The following ALK variants were observed in gnomAD, a reference collection of about 807,000 sequenced individuals.
The protein encoded by ALK is ALK tyrosine kinase receptor.
A neutral mutation model predicts 163.1 loss-of-function variants in ALK; 74 were observed. The ratio of observed to expected loss-of-function variants is 0.45; its 90% CI spans 0.38 to 0.55. The LOEUF is 0.55. ALK is among the 20% of genes least tolerant of loss of function. ALK has a pLI of 0.00. For synonymous variants in ALK, 960 were observed against 843.2 expected (o/e 1.14, Z -2.40); for missense variants, 2,063 against 2,105.3 (o/e 0.98, Z 0.39).
At chr2:29,426,633 T>G (rs1670141199) in intron 4 of ALK, among the ~76,000 whole-genome samples, 1 of 152,064 alleles carries the variant, frequency 6.6e-6, no homozygotes, top group Non-Finnish European at 1.5e-5. Context: ...AGACAATAAT[T>G]AGACACCCCC....
chr2:29,891,524 T>C (rs1391964657), intron 1 of ALK, among the ~76,000 whole-genome samples: 2 of 152,210 alleles, frequency 1.3e-5, no homozygotes, highest in Admixed American at 6.5e-5. Flanking sequence ...TCATAGACCA[T>C]AGGAACTGCA....
intron 5 of ALK, among the ~76,000 whole-genome samples, chr2:29,338,976 C>G (rs1390090005): frequency 6.6e-6 from 1 of 152,252 alleles, no homozygotes; most frequent in East Asian, 1.9e-4. Flanking sequence ...GGTGTGGTGT[C>G]TCACACCTGT....
intron 3 of ALK, among the ~76,000 whole-genome samples, chr2:29,635,882 C>T (rs1025306113): frequency 6.6e-6 from 1 of 152,080 alleles, no homozygotes; most frequent in African/African-American, 2.4e-5. Context: ...CCACCCACCT[C>T]GACCTCCGAA....
chr2:29,413,835 A>T (rs904237332), intron 4 of ALK, among the ~76,000 whole-genome samples: 2 of 151,924 alleles, frequency 1.3e-5, no homozygotes, highest in African/African-American at 4.8e-5. Context: ...ACCCAGCCTA[A>T]TTTTTATATT....
chr2:29,680,207 G>C (rs1052474796), intron 3 of ALK, among the ~76,000 whole-genome samples: 1 of 151,792 alleles, frequency 6.6e-6, no homozygotes, highest in African/African-American at 2.4e-5. Context: ...ACTTGGATGT[G>C]CAAATTGATT....
At position 29,886,061 on chromosome 2, in the gene ALK, C is replaced by A. The variant is rs140509054; in HGVS notation, c.667+33932G>T. On this transcript the variant is annotated intron_variant, in intron 1 of 28. Transcript: ENST00000389048. ...TCCTCCTCCTCCTCAGCCTACTCAA[C>A]TTGAAGATAATGAAGACCTTTGTAA... Among the ~76,000 whole-genome samples, 281 of 152,238 alleles carry A rather than the reference C, an allele frequency of 1.8e-3. 1 individual carries two copies. The highest frequency in any genetic ancestry group is 3.4e-3 in the Middle Eastern group (1 of 294).
intron 5 of ALK, among the ~76,000 whole-genome samples, chr2:29,369,758 G>A (rs1455681844): frequency 1.3e-5 from 2 of 152,138 alleles, no homozygotes; most frequent in Admixed American, 1.3e-4. Flanking sequence ...GAGATGCAGG[G>A]GAAGGCTGTC....
At chr2:29,535,228 G>C (rs1673221928) in intron 3 of ALK, among the ~76,000 whole-genome samples, 1 of 152,208 alleles carries the variant, frequency 6.6e-6, no homozygotes, top group Non-Finnish European at 1.5e-5. Context: ...GGTGTGGAGA[G>C]GCAGATCAAA....
In ALK at chr2:29,192,828, A is replaced by T. The variant is rs1668903803; in HGVS notation, c.*396T>A. The T allele has an allele frequency of 2.8e-6, 1 of 354,596 alleles. No homozygotes were observed. The highest frequency in any genetic ancestry group is 5.2e-6 in the Non-Finnish European group (1 of 191,048). The allele number at this position is 354,596 out of a possible 1,614,324, so 22.0% of individuals were successfully genotyped here. On this transcript the variant is annotated 3_prime_UTR_variant, in exon 29 of 29. Coordinates refer to ENST00000389048, the MANE Select transcript of ALK (RefSeq NM_004304.5). Reference sequence around the variant, plus strand: ...CGTTCCCTCTCCCCTCAAATGGCTCATGTCCACATCAACAAGGCAAGGAAA... The same window carrying T: ...CGTTCCCTCTCCCCTCAAATGGCTCTTGTCCACATCAACAAGGCAAGGAAA...
intron 7 of ALK, among the ~76,000 whole-genome samples, chr2:29,320,473 GATGGAAAGGATT>G (rs1666995199): frequency 6.6e-6 from 1 of 152,206 alleles, no homozygotes; most frequent in Non-Finnish European, 1.5e-5. Context: ...CATACTTGTT[GATGGAAAGGATT>G]ATTATCGTTG....
chr2:29,876,350 AGTGGTAATG>A (rs1042349514), intron 1 of ALK, among the ~76,000 whole-genome samples: 1 of 135,724 alleles, frequency 7.4e-6, no homozygotes, highest in South Asian at 2.4e-4. Context: ...TGGTGATGGT[AGTGGTAATG>A]GTGGTGATGG....
chr2:29,427,316 T>C lies in ALK; in HGVS notation c.1155-43457A>G, dbSNP rs146217526. Among the ~76,000 whole-genome samples the C allele has an allele frequency of 1.2e-3, 188 of 152,082 alleles. 6 individuals carry two copies. The highest frequency in any genetic ancestry group is 9.8e-3 in the Admixed American group (150 of 15,264). ...TTTTTTCCTGCAAGCTTAAAGGACATAAAATTATATAAAGTAGCAATTATA... is the reference window on the plus strand; with the variant it reads ...TTTTTTCCTGCAAGCTTAAAGGACACAAAATTATATAAAGTAGCAATTATA... On this transcript the variant is annotated intron_variant, in intron 4 of 28. Coordinates refer to ENST00000389048, the MANE Select transcript of ALK (RefSeq NM_004304.5).
intron 4 of ALK, among the ~76,000 whole-genome samples, chr2:29,397,036 T>G (rs922188007): frequency 6.6e-6 from 1 of 152,094 alleles, no homozygotes; most frequent in Non-Finnish European, 1.5e-5. Context: ...ATTGGCTGGC[T>G]TCCTTCGGTC....
rs962732575 is a variant in ALK at position 29,770,403 on chromosome 2, G to A, written c.668-52706C>T. Among the ~76,000 whole-genome samples, 8 of 152,296 alleles carry A rather than the reference G, an allele frequency of 5.3e-5. No homozygotes were observed. In the East Asian group the frequency reaches 7.7e-4, roughly 15 times the overall value. ...CTACACTGAAGCCTACAGATGACAC[G>A]TCCCAACAACAAGCTCAGGGCTTCC... On this transcript the variant is annotated intron_variant, in intron 1 of 28. Coordinates refer to ENST00000389048, the MANE Select transcript of ALK (RefSeq NM_004304.5).
intron 3 of ALK, among the ~76,000 whole-genome samples, chr2:29,633,485 T>C (rs1676438511): frequency 6.6e-6 from 1 of 151,572 alleles, no homozygotes; most frequent in Non-Finnish European, 1.5e-5. Flanking sequence ...AATTCTCAAA[T>C]CAACAATCTA....
chr2:29,270,627 G>A lies in ALK; in HGVS notation c.2041+4472C>T, dbSNP rs1375279387. Among the ~76,000 whole-genome samples the A allele has an allele frequency of 2.0e-5, 3 of 152,268 alleles. No individual in the cohort carries two copies. The East Asian group carries it at 5.8e-4, about 29-fold the overall frequency. On this transcript the variant is annotated intron_variant, in intron 11 of 28. Coordinates refer to ENST00000389048, the MANE Select transcript of ALK (RefSeq NM_004304.5). ...GCCCAAGAATCTGCATTTTTAACAA[G>A]CAGCACTTGCAGACACCAGGGGACC...
At chr2:29,696,568 C>T (rs1409886541) in intron 2 of ALK, among the ~76,000 whole-genome samples, 1 of 148,020 alleles carries the variant, frequency 6.8e-6, no homozygotes, top group Non-Finnish European at 1.5e-5. Context: ...TCCAGATGGC[C>T]TAGGAACTTC....
intron 4 of ALK, among the ~76,000 whole-genome samples, chr2:29,412,343 T>C (rs1180073695): frequency 6.6e-6 from 1 of 152,228 alleles, no homozygotes; most frequent in Admixed American, 6.5e-5. Flanking sequence ...ATTGCTCCTG[T>C]AGTACAGTGG....
chr2:29,786,702 A>T (rs891965607), intron 1 of ALK, among the ~76,000 whole-genome samples: 1 of 152,262 alleles, frequency 6.6e-6, no homozygotes, highest in Non-Finnish European at 1.5e-5. Flanking sequence ...AATGCTAATG[A>T]AAAGTTCCCT....
Sources: gnomAD v4.1 joint callset for allele counts (sites outside exome capture counted in the v4.1 genomes callset) on GRCh38, gnomAD v4.1.1 for gene constraint, MANE v1.5 for transcripts, NCBI Gene and HGNC (gene_info 2026-07-23, HGNC 2026-07-21) for gene names.